Variants in ASIC2 observed in about 807,000 individuals in gnomAD.
The protein encoded by ASIC2 is acid-sensing ion channel 2.
In ASIC2, 25 loss-of-function variants were observed where a neutral mutation model predicts 57.3. The observed-to-expected ratio is 0.44, with a 90% confidence interval of 0.32 to 0.61. ASIC2 has a LOEUF of 0.61. Among genes scored for constraint, ASIC2 ranks in the 20% least tolerant of loss-of-function variants. The pLI, the probability that ASIC2 is intolerant of heterozygous loss-of-function variation, is 0.06. For missense variants in ASIC2, 641 were observed against 738.1 expected (o/e 0.87, Z 1.52); for synonymous variants, 319 against 307.5 (o/e 1.04, Z -0.39).
chr17:34,125,966 T>A (rs984118512), intron 1 of ASIC2, among the ~76,000 whole-genome samples: 4 of 152,204 alleles, frequency 2.6e-5, no homozygotes, highest in Non-Finnish European at 1.5e-5. Context: ...CACACGGCTA[T>A]CCCACATGTC....
intron 1 of ASIC2, 55 bp downstream of exon 1, chr17:33,291,353 T>A (rs1313799545): frequency 1.3e-6 from 2 of 1,538,810 alleles, no homozygotes; most frequent in African/African-American, 2.7e-5. Context: ...CCAGGCCTCC[T>A]GACTGCCGGG....
intron 1 of ASIC2, among the ~76,000 whole-genome samples, chr17:33,965,572 A>C (rs1047289468): frequency 6.6e-6 from 1 of 152,228 alleles, no homozygotes. Flanking sequence ...ATAAGCAATG[A>C]GAGTAATGAT....
Position 33,803,349 on chromosome 17 carries a change from G to C in ASIC2, c.555+352629C>G, listed in dbSNP as rs527743537. On this transcript the variant is annotated intron_variant, in intron 1 of 9. Transcript: ENST00000359872. The stretch of plus-strand genomic sequence containing the variant: ...TTCCACTGTGTATGTGTATATGTGT[G>C]GGTGGGTGGGGGGTTTGGTTGGGGG... 9.2e-5 allele frequency among the ~76,000 whole-genome samples: 14 copies of C among 152,102 alleles called. No individual in the cohort carries two copies. The South Asian group carries it at 2.7e-3, about 29-fold the overall frequency.
intron 1 of ASIC2, among the ~76,000 whole-genome samples, chr17:34,106,169 G>A (rs2142105370): frequency 6.6e-6 from 1 of 152,102 alleles, no homozygotes; most frequent in Middle Eastern, 3.4e-3. Flanking sequence ...CTTGTGATTA[G>A]GTTCAGGTCA....
intron 1 of ASIC2, among the ~76,000 whole-genome samples, chr17:33,626,851 C>G (rs1437708395): frequency 6.6e-6 from 1 of 152,158 alleles, no homozygotes; most frequent in Non-Finnish European, 1.5e-5. Flanking sequence ...CAAACCTTGC[C>G]CTTCCTCTGC....
intron 1 of ASIC2, among the ~76,000 whole-genome samples, chr17:33,269,647 C>T (rs867918038): frequency 3.4e-4 from 28 of 81,528 alleles, no homozygotes; most frequent in South Asian, 2.2e-3. Context: ...TCCTTCCTTC[C>T]TTCCTTCCTT....
intron 1 of ASIC2, among the ~76,000 whole-genome samples, chr17:33,115,383 T>C (rs145545322): frequency 6.6e-6 from 1 of 152,286 alleles, no homozygotes; most frequent in East Asian, 1.9e-4. Context: ...AAAATCCTTG[T>C]GTGACTTCCT....
chr17:34,027,997 C>A (rs571253364), intron 1 of ASIC2, among the ~76,000 whole-genome samples: 1 of 152,282 alleles, frequency 6.6e-6, no homozygotes, highest in African/African-American at 2.4e-5. Flanking sequence ...CAGCCCAGGG[C>A]AGCAGGTATT....
In ASIC2 at chr17:33,486,720, G is replaced by A. The variant is rs951583217; in HGVS notation, c.556-374653C>T. The stretch of plus-strand genomic sequence containing the variant: ...TGAAGGGCTCCCTGGTTGACCTGTG[G>A]GCCTTGGACACTGACTTCTTAGTGC... On this transcript the variant is annotated intron_variant, in intron 1 of 9. Transcript: ENST00000359872. 2.6e-5 allele frequency among the ~76,000 whole-genome samples: 4 copies of A among 152,184 alleles called. No homozygotes were observed. In the East Asian group the frequency reaches 7.7e-4, roughly 29 times the overall value.
chr17:33,726,570 C>A (rs1348707424), intron 1 of ASIC2, among the ~76,000 whole-genome samples: 1 of 152,176 alleles, frequency 6.6e-6, no homozygotes, highest in Non-Finnish European at 1.5e-5. Context: ...TGAAGCCAGG[C>A]TAGGGAGCAG....
At chr17:33,105,751 A>C (rs2092232106) in intron 2 of ASIC2, among the ~76,000 whole-genome samples, 1 of 152,198 alleles carries the variant, frequency 6.6e-6, no homozygotes, top group African/African-American at 2.4e-5. Flanking sequence ...CAAAATGCTG[A>C]CAGTGACATG....
At chr17:33,315,239 T>A (rs1906597658) in intron 1 of ASIC2, among the ~76,000 whole-genome samples, 1 of 152,184 alleles carries the variant, frequency 6.6e-6, no homozygotes, top group African/African-American at 2.4e-5. Flanking sequence ...AGCTAAAGCA[T>A]GTACCAAAAA....
intron 3 of ASIC2, among the ~76,000 whole-genome samples, chr17:33,054,522 T>A (rs1421109740): frequency 6.6e-6 from 1 of 152,212 alleles, no homozygotes; most frequent in African/African-American, 2.4e-5. Context: ...AAATCAATAC[T>A]CAGAGTTTTT....
chr17:33,411,830 A>G (rs1910672528), intron 1 of ASIC2, among the ~76,000 whole-genome samples: 1 of 152,210 alleles, frequency 6.6e-6, no homozygotes, highest in Non-Finnish European at 1.5e-5. Flanking sequence ...TTGGATAATC[A>G]CGTCCACTTT....
At chr17:33,714,927 C>G (rs1250004544) in intron 1 of ASIC2, among the ~76,000 whole-genome samples, 1 of 151,106 alleles carries the variant, frequency 6.6e-6, no homozygotes, top group Non-Finnish European at 1.5e-5. Context: ...CAGCAATCCT[C>G]CCACCTCAGC....
intron 2 of ASIC2, among the ~76,000 whole-genome samples, chr17:33,090,440 T>A (rs1162832576): frequency 6.6e-6 from 1 of 152,304 alleles, no homozygotes; most frequent in East Asian, 1.9e-4. Flanking sequence ...AGATGCCTAA[T>A]GAATGAATAA....
intron 1 of ASIC2, among the ~76,000 whole-genome samples, chr17:33,669,590 C>T (rs1907582592): frequency 6.6e-6 from 1 of 152,158 alleles, no homozygotes; most frequent in Admixed American, 6.5e-5. Flanking sequence ...TCTAGCTACA[C>T]CACTGACCAG....
chr17:33,483,312 G>T (rs1263986238), intron 1 of ASIC2, among the ~76,000 whole-genome samples: 1 of 152,190 alleles, frequency 6.6e-6, no homozygotes, highest in African/African-American at 2.4e-5. Context: ...CCCAAGTCTT[G>T]TCACAATGGG....
intron 1 of ASIC2, among the ~76,000 whole-genome samples, chr17:33,807,858 T>C (rs36081088): frequency 0.13 from 20,181 of 152,278 alleles, 1,427 homozygotes; most frequent in East Asian, 0.19. Context: ...GAGATATTTG[T>C]TAAAGTCTTT....
Sources: allele counts gnomAD v4.1 joint callset (sites outside exome capture counted in the v4.1 genomes callset), GRCh38; gene constraint gnomAD v4.1.1; transcripts MANE v1.5; gene names NCBI Gene and HGNC (gene_info 2026-07-23, HGNC 2026-07-21).